CDK8: variants seen among roughly 807,000 people sequenced by gnomAD.
CDK8 encodes the protein cyclin dependent kinase 8.
Under a neutral mutation model 71.5 loss-of-function variants are expected in CDK8, and 29 were observed. That is an observed-to-expected ratio of 0.41 (90% CI 0.30 to 0.55). The LOEUF (loss-of-function observed/expected upper bound fraction) is 0.55, where lower values mean the gene tolerates loss of function less well. Ranked by LOEUF, CDK8 falls within the 20% of genes least tolerant of loss-of-function variation. The pLI is 0.37. For synonymous variants in CDK8, 161 were observed against 192.1 expected (o/e 0.84, Z 1.34); for missense variants, 288 against 572.6 (o/e 0.50, Z 5.07).
intron 2 of CDK8, among the ~76,000 whole-genome samples, chr13:26,340,132 T>C (rs1255259376): frequency 6.6e-6 from 1 of 152,184 alleles, no homozygotes; most frequent in Non-Finnish European, 1.5e-5. Flanking sequence ...TTTTATCAAA[T>C]GCTTTTTTCT....
At chr13:26,369,160 G>A (rs1429294182) in intron 4 of CDK8, among the ~76,000 whole-genome samples, 3 of 151,898 alleles carry the variant, frequency 2.0e-5, no homozygotes, top group Non-Finnish European at 2.9e-5. Flanking sequence ...AGCCAGGGGC[G>A]GCAGCTCATG....
intron 3 of CDK8, among the ~76,000 whole-genome samples, chr13:26,352,280 A>T (rs923863051): frequency 5.3e-5 from 8 of 151,896 alleles, no homozygotes; most frequent in African/African-American, 1.7e-4. Context: ...CGGTGGCAGG[A>T]TCTCCACTCA....
At chr13:26,259,556 A>G (rs1050418252) in intron 1 of CDK8, among the ~76,000 whole-genome samples, 1 of 152,126 alleles carries the variant, frequency 6.6e-6, no homozygotes, top group African/African-American at 2.4e-5. Context: ...CCCCTTGTGG[A>G]TACTGAGGGA....
intron 1 of CDK8, among the ~76,000 whole-genome samples, chr13:26,314,492 CTG>C (rs1167870708): frequency 1.3e-5 from 2 of 152,172 alleles, no homozygotes; most frequent in Admixed American, 1.3e-4. Context: ...CTTTATAGGT[CTG>C]TTTCATATCT....
chr13:26,265,459 G>A (rs562411433), intron 1 of CDK8, among the ~76,000 whole-genome samples: 1 of 152,292 alleles, frequency 6.6e-6, no homozygotes, highest in East Asian at 1.9e-4. Flanking sequence ...AGAGTTAGTG[G>A]GGGCTTGAGG....
chr13:26,340,591 C>T (rs2420130), intron 2 of CDK8, among the ~76,000 whole-genome samples: 8,383 of 152,166 alleles, frequency 0.055, 365 homozygotes, highest in African/African-American at 0.11. Context: ...AAGTTTTTAT[C>T]AGGCCTTCCT....
At chr13:26,385,966 T>A (rs1875457931) in intron 6 of CDK8, among the ~76,000 whole-genome samples, 1 of 152,160 alleles carries the variant, frequency 6.6e-6, no homozygotes, top group Admixed American at 6.5e-5. Context: ...TTAAGACAAA[T>A]GTTTCTTTTA....
At chr13:26,403,890 C>A in intron 12 of CDK8, 66 bp from the exon 13 acceptor site, 5 of 1,570,172 alleles carry the variant, frequency 3.2e-6, no homozygotes, top group South Asian at 2.3e-5. Flanking sequence ...ACACTTCAGT[C>A]ACATATTGGG....
chr13:26,384,082 T>A (rs868663245), intron 5 of CDK8, among the ~76,000 whole-genome samples: 3 of 152,334 alleles, frequency 2.0e-5, no homozygotes, highest in Middle Eastern at 3.4e-3. Context: ...TGTAATACAC[T>A]AAAACAATCT....
intron 1 of CDK8, among the ~76,000 whole-genome samples, chr13:26,303,353 T>C (rs1873903526): frequency 6.6e-6 from 1 of 152,092 alleles, no homozygotes. Flanking sequence ...CAGGCTGGAG[T>C]GCAGTGGCAC....
At chr13:26,378,701 A>G (rs79554627) in intron 4 of CDK8, among the ~76,000 whole-genome samples, 3 of 152,302 alleles carry the variant, frequency 2.0e-5, no homozygotes, top group Non-Finnish European at 4.4e-5. Context: ...GCAAAGTTCT[A>G]TATGTTCTTT....
intron 4 of CDK8, among the ~76,000 whole-genome samples, chr13:26,369,564 T>C (rs1874560295): frequency 7.4e-6 from 1 of 135,296 alleles, no homozygotes; most frequent in Non-Finnish European, 1.6e-5. Flanking sequence ...AGTCTCGCTC[T>C]GTCACCCAGG....
chr13:26,388,423 A>T (rs1425790296), intron 6 of CDK8, among the ~76,000 whole-genome samples: 2 of 152,232 alleles, frequency 1.3e-5, no homozygotes, highest in African/African-American at 4.8e-5. Flanking sequence ...GCATTTAAGG[A>T]CATATATAAA....
intron 1 of CDK8, among the ~76,000 whole-genome samples, chr13:26,287,314 G>A (rs1566472451): frequency 1.3e-5 from 2 of 152,142 alleles, no homozygotes; most frequent in African/African-American, 4.8e-5. Flanking sequence ...TGTCGCCCAG[G>A]CTGGAGTGCA....
At chr13:26,364,083 G>A (rs907918574) in intron 4 of CDK8, among the ~76,000 whole-genome samples, 3 of 152,148 alleles carry the variant, frequency 2.0e-5, no homozygotes, top group Non-Finnish European at 4.4e-5. Context: ...GAAAAATTGA[G>A]AAGCAAAGAG....
At chr13:26,302,291 A>G (rs1593250166) in intron 1 of CDK8, among the ~76,000 whole-genome samples, 2 of 152,208 alleles carry the variant, frequency 1.3e-5, no homozygotes, top group Non-Finnish European at 2.9e-5. Context: ...TATAACATCT[A>G]TAGTATTTCT....
chr13:26,387,063 T>C (rs1389029278), intron 6 of CDK8, among the ~76,000 whole-genome samples: 1 of 152,240 alleles, frequency 6.6e-6, no homozygotes, highest in African/African-American at 2.4e-5. Flanking sequence ...ATTAATCCTT[T>C]ATACTACTTT....
At chr13:26,378,220 T>A (rs9553799) in intron 4 of CDK8, among the ~76,000 whole-genome samples, 126,078 of 152,198 alleles carry the variant, frequency 0.83, 53,941 homozygotes, top group East Asian at 0.99. Flanking sequence ...TCTTGTCTTT[T>A]TCAAGATAGA....
intron 1 of CDK8, among the ~76,000 whole-genome samples, chr13:26,331,597 A>G (rs978796161): frequency 1.3e-5 from 2 of 152,138 alleles, no homozygotes; most frequent in Non-Finnish European, 2.9e-5. Flanking sequence ...AGTTTTTGTC[A>G]GCTTTGTCAA....
Sources: allele counts gnomAD v4.1 joint callset (sites outside exome capture counted in the v4.1 genomes callset), GRCh38; gene constraint gnomAD v4.1.1; transcripts MANE v1.5; gene names NCBI Gene and HGNC (gene_info 2026-07-23, HGNC 2026-07-21).